BCKDHB: variants seen among roughly 807,000 people sequenced by gnomAD.
BCKDHB encodes 2-oxoisovalerate dehydrogenase subunit beta, mitochondrial.
A neutral mutation model predicts 48.5 loss-of-function variants in BCKDHB; 41 were observed. The observed-to-expected ratio is 0.85, with a 90% CI of 0.66 to 1.10. The LOEUF (loss-of-function observed/expected upper bound fraction) is 1.10, where lower values mean the gene tolerates loss of function less well. Among genes scored for constraint, BCKDHB ranks in the 50% least tolerant of loss-of-function variants. The pLI is 0.00. For missense variants in BCKDHB, 496 were observed against 494.2 expected, an observed-to-expected ratio of 1.00 and a Z score of -0.03; for synonymous variants, 201 against 174.8, an observed-to-expected ratio of 1.15 and a Z score of -1.18.
At chr6:80,424,382 C>A in the BCKDHB span, among the ~76,000 whole-genome samples, 7 of 152,060 alleles carry the variant, frequency 4.6e-5, no homozygotes, top group African/African-American at 1.7e-4. Flanking sequence ...TTAAAGAATA[C>A]TGCATATTTT....
At chr6:80,314,932 G>A (rs376728460) in intron 9 of BCKDHB, among the ~76,000 whole-genome samples, 1 of 152,186 alleles carries the variant, frequency 6.6e-6, no homozygotes, top group African/African-American at 2.4e-5. Context: ...CAGACCGTTT[G>A]TACTCTGCAA....
chr6:80,326,291 G>A (rs933383480), intron 9 of BCKDHB, among the ~76,000 whole-genome samples: 1 of 152,170 alleles, frequency 6.6e-6, no homozygotes, highest in Non-Finnish European at 1.5e-5. Flanking sequence ...ACTGTTTGAT[G>A]AATGAAAGAA....
chr6:80,458,845 A>T, the BCKDHB span, among the ~76,000 whole-genome samples: 56 of 152,290 alleles, frequency 3.7e-4, no homozygotes, highest in African/African-American at 1.3e-3. Context: ...TAAAAAAATC[A>T]CCTAACTGTC....
rs533025592 is a variant in BCKDHB, at chr6:80,113,214, G to A, written c.196+6325G>A. The stretch of plus-strand genomic sequence containing the variant: ...CATGGCCAACTGCAACACACGTAAG[G>A]ATCATGGACTATAGCTGGAAAAGAT... On this transcript the variant is annotated intron_variant, in intron 1 of 9. Coordinates refer to ENST00000320393, the MANE Select transcript of BCKDHB (RefSeq NM_183050.4). Among the ~76,000 whole-genome samples the A allele has an allele frequency of 5.9e-5, 9 of 152,302 alleles. No individual in the cohort carries two copies. The East Asian group carries it at 1.5e-3, about 26-fold the overall frequency.
chr6:80,403,692 G>T, the BCKDHB span, among the ~76,000 whole-genome samples: 4 of 151,742 alleles, frequency 2.6e-5, no homozygotes, highest in Admixed American at 2.6e-4. Context: ...TTTCACCTTT[G>T]GGTATAATGT....
At chr6:80,159,970 C>G (rs945403858) in intron 3 of BCKDHB, among the ~76,000 whole-genome samples, 2 of 152,182 alleles carry the variant, frequency 1.3e-5, no homozygotes, top group Non-Finnish European at 2.9e-5. Context: ...AAATCTTTTA[C>G]AGAAATCCAT....
At chr6:80,211,334 G>T (rs1020465560) in intron 8 of BCKDHB, among the ~76,000 whole-genome samples, 1 of 152,040 alleles carries the variant, frequency 6.6e-6, no homozygotes, top group South Asian at 2.1e-4. Flanking sequence ...GGTGTGTCCT[G>T]CCTCCCAGAT....
rs747674891 is a variant in BCKDHB at position 80,171,328 on chromosome 6, C to T, written c.680C>T (p.Ser227Leu). The change falls in exon 6 of 10, where the codon TCA becomes TTA. Residue 227 changes from serine to leucine, a missense_variant. Physicochemically the swap from Ser to Leu is moderately radical, Grantham distance 145. Coordinates refer to ENST00000320393, the MANE Select transcript of BCKDHB (RefSeq NM_183050.4). ...SPFQAKGLLL[S>L]CIEDKNPCIF... ...TTCCAGGCCAAAGGACTTCTTTTGT[C>T]ATGCATAGAGGATAAAAATCCTTGT... is the stretch of plus-strand genomic sequence containing the variant. 1 of 1,609,022 alleles carries T rather than the reference C, an allele frequency of 6.2e-7. No individual in the cohort carries two copies.
chr6:80,437,378 C>CTT, the BCKDHB span, among the ~76,000 whole-genome samples: 4,098 of 151,944 alleles, frequency 0.027, 167 homozygotes, highest in African/African-American at 0.08. Flanking sequence ...TATCCGCTGC[C>CTT]TTTTTTTTGC....
intron 6 of BCKDHB, among the ~76,000 whole-genome samples, chr6:80,194,683 G>A (rs572396508): frequency 6.6e-6 from 1 of 152,242 alleles, no homozygotes; most frequent in East Asian, 1.9e-4. Context: ...AAGTGACAGA[G>A]TGTCCATTTC....
At chr6:80,424,057 G>A in the BCKDHB span, among the ~76,000 whole-genome samples, 1 of 152,144 alleles carries the variant, frequency 6.6e-6, no homozygotes, top group East Asian at 1.9e-4. Context: ...TAGAAATTTT[G>A]TTGCATAAAG....
At chr6:80,400,203 A>G in the BCKDHB span, among the ~76,000 whole-genome samples, 2 of 152,152 alleles carry the variant, frequency 1.3e-5, no homozygotes, top group African/African-American at 2.4e-5. Flanking sequence ...GTGAAAAGCA[A>G]TTGCGACAAA....
intron 8 of BCKDHB, among the ~76,000 whole-genome samples, chr6:80,232,572 A>G (rs1031324947): frequency 6.6e-6 from 1 of 150,834 alleles, no homozygotes; most frequent in Non-Finnish European, 1.5e-5. Context: ...ATACATTTGT[A>G]TATGTATGTG....
intron 8 of BCKDHB, among the ~76,000 whole-genome samples, chr6:80,221,291 C>G (rs1280825811): frequency 6.6e-6 from 1 of 152,168 alleles, no homozygotes; most frequent in Non-Finnish European, 1.5e-5. Context: ...CTTGTTCAGT[C>G]TCTCTTGTCT....
downstream of BCKDHB, among the ~76,000 whole-genome samples, chr6:80,351,015 T>C (rs898989511): frequency 6.6e-6 from 1 of 152,224 alleles, no homozygotes; most frequent in African/African-American, 2.4e-5. Context: ...AGTTATACTT[T>C]GTACCTGAGA....
intron 3 of BCKDHB, among the ~76,000 whole-genome samples, chr6:80,149,461 A>G (rs1771651701): frequency 6.6e-6 from 1 of 152,150 alleles, no homozygotes; most frequent in African/African-American, 2.4e-5. Context: ...CAGCCATCCC[A>G]TTACTGGGTA....
chr6:80,383,076 G>C, the BCKDHB span, among the ~76,000 whole-genome samples: 1 of 152,100 alleles, frequency 6.6e-6, no homozygotes, highest in African/African-American at 2.4e-5. Context: ...TTTGGGGTCA[G>C]GCTGAAGGAA....
intron 9 of BCKDHB, among the ~76,000 whole-genome samples, chr6:80,308,935 T>A (rs530669032): frequency 6.6e-6 from 1 of 152,228 alleles, no homozygotes; most frequent in Admixed American, 6.5e-5. Flanking sequence ...CTACCACACA[T>A]AGATTTTCAT....
rs1316142561 is a variant in BCKDHB at position 80,345,037 on chromosome 6, C to T, written c.*1233C>T. ...TCAGCACCACTACCATTTCCAGAAG[C>T]TTTTTTAACAAGTGAATATTTTTTA... On this transcript the variant is annotated 3_prime_UTR_variant, in exon 10 of 10. Transcript: ENST00000320393. 6.6e-6 allele frequency: 1 copy of T among 152,050 alleles called. No individual in the cohort carries two copies. The highest frequency in any genetic ancestry group is 1.5e-5 in the Non-Finnish European group (1 of 67,988). The allele number at this position is 152,050 out of a possible 1,614,324, so 9.4% of individuals were successfully genotyped here.
Sources: allele counts gnomAD v4.1 joint callset (sites outside exome capture counted in the v4.1 genomes callset), GRCh38; gene constraint gnomAD v4.1.1; transcripts MANE v1.5; gene names NCBI Gene and HGNC (gene_info 2026-07-23, HGNC 2026-07-21).